NPAS2: variants seen among roughly 807,000 people sequenced by gnomAD.
NPAS2 encodes neuronal PAS domain protein 2.
In NPAS2, 23 loss-of-function variants were observed where a neutral mutation model predicts 107.5. The observed-to-expected ratio is 0.21, with a 90% CI of 0.15 to 0.30. The LOEUF (loss-of-function observed/expected upper bound fraction) is 0.30, where lower values mean the gene tolerates loss of function less well. Among genes scored for constraint, NPAS2 ranks in the 10% least tolerant of loss-of-function variants. NPAS2 has a pLI of 1.00. For missense variants in NPAS2, 756 were observed against 1,043.3 expected (o/e 0.72, Z 3.79); for synonymous variants, 403 against 417.5 (o/e 0.97, Z 0.42).
At chr2:100,862,612 C>G (rs971312472) in intron 1 of NPAS2, among the ~76,000 whole-genome samples, 1 of 152,170 alleles carries the variant, frequency 6.6e-6, no homozygotes, top group Non-Finnish European at 1.5e-5. Context: ...CCTCAGTAGA[C>G]TAGAAAAGGT....
chr2:100,977,328 G>A (rs1255228568), intron 14 of NPAS2, among the ~76,000 whole-genome samples: 1 of 152,204 alleles, frequency 6.6e-6, no homozygotes, highest in African/African-American at 2.4e-5. Context: ...AGCAGTCCAC[G>A]CACGTCGTCC....
intron 5 of NPAS2, among the ~76,000 whole-genome samples, chr2:100,946,313 G>A: frequency 6.6e-6 from 1 of 152,144 alleles, no homozygotes; most frequent in East Asian, 1.9e-4. Flanking sequence ...TCCCATCAAG[G>A]GGGTCATTGT....
intron 1 of NPAS2, among the ~76,000 whole-genome samples, chr2:100,841,667 A>G (rs767304936): frequency 6.6e-6 from 1 of 152,174 alleles, no homozygotes; most frequent in Non-Finnish European, 1.5e-5. Context: ...AATTCCATCT[A>G]CACACACATA....
intron 2 of NPAS2, among the ~76,000 whole-genome samples, chr2:100,905,531 A>G (rs553403677): frequency 2.0e-5 from 3 of 152,000 alleles, no homozygotes; most frequent in East Asian, 3.9e-4. Context: ...TGCTCTGGGG[A>G]AAAAAACGTG....
Position 100,995,801 on chromosome 2 carries a change from T to C in NPAS2, c.*219T>C. 1.3e-6 allele frequency: 2 copies of C among 1,544,830 alleles called. No homozygotes were observed. The highest frequency in any genetic ancestry group is 4.9e-5 in the East Asian group (2 of 40,550). ...GTGTTTCTCTTGCCTCCGAGGTTCT[T>C]GGGCACACTCTATAGCCATACTGGA... is the stretch of plus-strand genomic sequence containing the variant. On this transcript the variant is annotated 3_prime_UTR_variant, in exon 21 of 21. Transcript: ENST00000335681.
chr2:100,894,471 C>G (rs891732685), intron 1 of NPAS2, among the ~76,000 whole-genome samples: 2 of 152,172 alleles, frequency 1.3e-5, no homozygotes, highest in African/African-American at 4.8e-5. Context: ...AAGCTGGAAG[C>G]TCCATTGAGT....
At chr2:100,989,289 C>T (rs1176119733) in intron 17 of NPAS2, 1 of 152,910 alleles carries the variant, frequency 6.5e-6, no homozygotes, top group East Asian at 1.9e-4. Flanking sequence ...TCCTGGGCCT[C>T]GAGGAGCCTG....
intron 3 of NPAS2, among the ~76,000 whole-genome samples, chr2:100,927,466 C>T (rs544880919): frequency 6.6e-6 from 1 of 152,292 alleles, no homozygotes; most frequent in Admixed American, 6.5e-5. Context: ...ACAAAGCAGA[C>T]ACAGCCAGGG....
chr2:100,921,076 T>C (rs1683195748), intron 2 of NPAS2, among the ~76,000 whole-genome samples: 1 of 152,206 alleles, frequency 6.6e-6, no homozygotes, highest in African/African-American at 2.4e-5. Context: ...TCACTCTCAG[T>C]TCTGTGTTCC....
At chr2:100,854,677 G>A (rs1054627213) in intron 1 of NPAS2, among the ~76,000 whole-genome samples, 2 of 152,226 alleles carry the variant, frequency 1.3e-5, no homozygotes, top group Non-Finnish European at 2.9e-5. Flanking sequence ...CACCCTGCGA[G>A]TGAGGTGACA....
At chr2:100,893,941 G>C (rs912228575) in intron 1 of NPAS2, among the ~76,000 whole-genome samples, 6 of 152,172 alleles carry the variant, frequency 3.9e-5, no homozygotes, top group Non-Finnish European at 7.3e-5. Context: ...CTTTCCGTGC[G>C]TGCTGCATGA....
rs7568298 is a variant in NPAS2, at chr2:100,908,624, G to A, written c.32+3838G>A. ...AAGAAAGCAATTATCTAACTTTGCCGTATTGCAAAATCCAGCTTACTCCAT... is the reference window on the plus strand; with the variant it reads ...AAGAAAGCAATTATCTAACTTTGCCATATTGCAAAATCCAGCTTACTCCAT... On this transcript the variant is annotated intron_variant, in intron 2 of 20. Transcript: ENST00000335681. Among the ~76,000 whole-genome samples, 634 of 152,282 alleles carry A rather than the reference G, an allele frequency of 4.2e-3. 2 individuals carry two copies. Among genetic ancestry groups the A allele is most frequent in the African/African-American group, 0.014 (591 of 41,552 alleles).
chr2:100,983,128 G>C (rs1677562009), intron 16 of NPAS2: 1 of 152,182 alleles, frequency 6.6e-6, no homozygotes, highest in African/African-American at 2.4e-5. Context: ...TGTAACTCTA[G>C]CTAACCTTGG....
chr2:100,844,137 A>G (rs994031068), intron 1 of NPAS2, among the ~76,000 whole-genome samples: 4 of 152,124 alleles, frequency 2.6e-5, no homozygotes, highest in Non-Finnish European at 4.4e-5. Context: ...TACTGACCCA[A>G]TTAATATAGG....
chr2:100,890,415 A>G (rs550228796), intron 1 of NPAS2, among the ~76,000 whole-genome samples: 1 of 152,236 alleles, frequency 6.6e-6, no homozygotes, highest in East Asian at 1.9e-4. Context: ...ATGCACCTCC[A>G]CACAAAATTG....
At chr2:100,957,977 A>T (rs190466933) in intron 7 of NPAS2, among the ~76,000 whole-genome samples, 12 of 152,282 alleles carry the variant, frequency 7.9e-5, no homozygotes, top group African/African-American at 2.6e-4. Context: ...AGGCTTCCAG[A>T]TCCTGAAAGA....
intron 1 of NPAS2, among the ~76,000 whole-genome samples, chr2:100,852,008 C>G (rs1678206242): frequency 6.6e-6 from 1 of 152,270 alleles, no homozygotes; most frequent in South Asian, 2.1e-4. Context: ...ATGGTTCTTG[C>G]AATAACCAAA....
In NPAS2 at chr2:100,971,298, C is replaced by CAAAAAAA. The variant is rs35040339; in HGVS notation, c.1140+238_1140+244dup. ...CGGATGACAGAGTAAGACTCTATCT[C>CAAAAAAA]AAAAAAAAAAAAAAAAAAAAGAGCC... is the stretch of plus-strand genomic sequence containing the variant. On this transcript the variant is annotated intron_variant, in intron 12 of 20. Coordinates refer to ENST00000335681, the MANE Select transcript of NPAS2 (RefSeq NM_002518.4). 3.4e-3 allele frequency among the ~76,000 whole-genome samples: 350 copies of CAAAAAAA among 102,510 alleles called. 6 individuals carry two copies. The highest frequency in any genetic ancestry group is 0.012 in the African/African-American group (321 of 26,240). The allele number at this position is 102,510 out of a possible 152,430, so 67.3% of individuals were successfully genotyped here.
At chr2:100,821,369 A>G (rs964300394) in intron 1 of NPAS2, among the ~76,000 whole-genome samples, 1 of 152,048 alleles carries the variant, frequency 6.6e-6, no homozygotes, top group Non-Finnish European at 1.5e-5. Flanking sequence ...CTGGAGTTCA[A>G]CAGGTGTTCA....
Sources: allele counts gnomAD v4.1 joint callset (sites outside exome capture counted in the v4.1 genomes callset), GRCh38; gene constraint gnomAD v4.1.1; transcripts MANE v1.5; gene names NCBI Gene and HGNC (gene_info 2026-07-23, HGNC 2026-07-21).